COLEC10: variants seen among roughly 807,000 people sequenced by gnomAD.
COLEC10 encodes the protein collectin-10.
Under a neutral mutation model 28.4 loss-of-function variants are expected in COLEC10, and 22 were observed. The ratio of observed to expected loss-of-function variants is 0.78; its 90% confidence interval spans 0.55 to 1.11. COLEC10 has a LOEUF of 1.11. Among genes scored for constraint, COLEC10 ranks in the 50% least tolerant of loss-of-function variants. COLEC10 has a pLI of 0.00. For missense variants in COLEC10, 361 were observed against 344.1 expected, an observed-to-expected ratio of 1.05 and a Z score of -0.39; for synonymous variants, 125 against 116.1, an observed-to-expected ratio of 1.08 and a Z score of -0.49.
intron 1 of COLEC10, among the ~76,000 whole-genome samples, chr8:119,070,546 C>T (rs1815094619): frequency 1.4e-5 from 1 of 70,448 alleles, no homozygotes; most frequent in African/African-American, 7.2e-5. Context: ...CTCTCTCTCC[C>T]TCTCCCTCTC....
intron 2 of COLEC10, among the ~76,000 whole-genome samples, chr8:119,055,101 C>T (rs945856276): frequency 7.3e-5 from 11 of 150,828 alleles, no homozygotes; most frequent in African/African-American, 2.7e-4. Flanking sequence ...TATTTATCTC[C>T]ATAAAAGCAG....
chr8:118,964,775 C>T, the COLEC10 span, among the ~76,000 whole-genome samples: 1 of 152,276 alleles, frequency 6.6e-6, no homozygotes, highest in Middle Eastern at 3.4e-3. Context: ...GTACCCTGAA[C>T]TTCTAAGTAA....
intron 1 of COLEC10, among the ~76,000 whole-genome samples, chr8:119,070,795 A>T (rs1815106694): frequency 6.6e-6 from 1 of 152,104 alleles, no homozygotes; most frequent in Non-Finnish European, 1.5e-5. Context: ...TTTTAAACAA[A>T]ACATGTTAAA....
chr8:119,050,257 C>A (rs185278830), intron 2 of COLEC10, among the ~76,000 whole-genome samples: 1 of 152,026 alleles, frequency 6.6e-6, no homozygotes, highest in African/African-American at 2.4e-5. Flanking sequence ...CCATAGTAAC[C>A]AAACAGAAAA....
chr8:119,099,933 G>A (rs1815790821), intron 3 of COLEC10, among the ~76,000 whole-genome samples: 1 of 152,030 alleles, frequency 6.6e-6, no homozygotes, highest in East Asian at 1.9e-4. Flanking sequence ...CTTCTTTTAT[G>A]TCCATTTTAA....
chr8:119,054,898 GA>G (rs1407198321), intron 2 of COLEC10, among the ~76,000 whole-genome samples: 1 of 151,950 alleles, frequency 6.6e-6, no homozygotes, highest in Non-Finnish European at 1.5e-5. Context: ...TAGGAACATA[GA>G]AAATGAAGGC....
rs759458302 is a variant in COLEC10, at chr8:119,106,509, C to T, written c.*318C>T. ...CTTGGTATTTGCTCTACCATCTCTC[C>T]CTAGAGCACTCTGTGTCTATCCCAG... is the stretch of plus-strand genomic sequence containing the variant. On this transcript the variant is annotated 3_prime_UTR_variant, in exon 6 of 6. Coordinates refer to ENST00000332843, the MANE Select transcript of COLEC10 (RefSeq NM_006438.5). The T allele has an allele frequency of 2.6e-4, 63 of 245,440 alleles. No homozygotes were observed. Among genetic ancestry groups the T allele is most frequent in the Non-Finnish European group, 4.5e-4 (55 of 123,212 alleles). The allele number at this position is 245,440 out of a possible 1,614,324, so 15.2% of individuals were successfully genotyped here.
At chr8:119,069,626 AAAAATAT>A (rs1307100014) in intron 1 of COLEC10, among the ~76,000 whole-genome samples, 7 of 61,920 alleles carry the variant, frequency 1.1e-4, no homozygotes, top group African/African-American at 3.7e-4. Context: ...AAAAAAAAAA[AAAAATAT>A]ATATATATAT....
At chr8:119,095,274 C>T (rs555261252) in intron 3 of COLEC10, among the ~76,000 whole-genome samples, 140 of 152,220 alleles carry the variant, frequency 9.2e-4, no homozygotes, top group African/African-American at 3.3e-3. Flanking sequence ...ATAAACTACA[C>T]ATAATGGACA....
the COLEC10 span, among the ~76,000 whole-genome samples, chr8:118,977,752 TA>T: frequency 1.5e-5 from 2 of 130,240 alleles, no homozygotes; most frequent in African/African-American, 3.4e-5. Flanking sequence ...ATAATAATAA[TA>T]AATAAATAAA....
chr8:119,078,829 A>G (rs1815306983), intron 1 of COLEC10, among the ~76,000 whole-genome samples: 2 of 144,992 alleles, frequency 1.4e-5, no homozygotes, highest in South Asian at 4.9e-4. Flanking sequence ...TTTAACACCA[A>G]CCTAATAACT....
chr8:118,994,724 C>T (rs1251338678), upstream of COLEC10, among the ~76,000 whole-genome samples: 1 of 152,140 alleles, frequency 6.6e-6, no homozygotes, highest in Non-Finnish European at 1.5e-5. Flanking sequence ...TCAGAGTTAT[C>T]CATCTCTAGT....
chr8:119,106,878 C>A lies in COLEC10; in HGVS notation c.*687C>A, dbSNP rs887452440. On this transcript the variant is annotated 3_prime_UTR_variant, in exon 6 of 6. Coordinates refer to ENST00000332843, the MANE Select transcript of COLEC10 (RefSeq NM_006438.5). ...TATACCAAGTAGGTGCTTTGAACCC[C>A]TTTCTGTAGGCTCACACCTTAATCT... Among the ~76,000 whole-genome samples, 1 of 152,112 alleles carries A rather than the reference C, an allele frequency of 6.6e-6. No individual in the cohort carries two copies. Among genetic ancestry groups the A allele is most frequent in the African/African-American group, 2.4e-5 (1 of 41,420 alleles).
intron 2 of COLEC10, among the ~76,000 whole-genome samples, chr8:119,054,099 A>AC (rs1447383560): frequency 1.3e-5 from 2 of 152,100 alleles, no homozygotes; most frequent in Non-Finnish European, 2.9e-5. Flanking sequence ...CTCCAAGATG[A>AC]CTACTAAGTG....
At chr8:119,009,901 A>C (rs138757344) in intron 2 of COLEC10, among the ~76,000 whole-genome samples, 1,777 of 150,876 alleles carry the variant, frequency 0.012, 139 homozygotes, top group African/African-American at 0.04. Context: ...CAGCAAAATA[A>C]AGTGGAAAGT....
intron 1 of COLEC10, among the ~76,000 whole-genome samples, chr8:119,002,570 G>T (rs1257964708): frequency 6.6e-6 from 1 of 152,116 alleles, no homozygotes; most frequent in African/African-American, 2.4e-5. Flanking sequence ...ATTACTTAAT[G>T]AACTAGAATA....
At chr8:118,975,683 G>A in the COLEC10 span, among the ~76,000 whole-genome samples, 1 of 151,978 alleles carries the variant, frequency 6.6e-6, no homozygotes, top group Non-Finnish European at 1.5e-5. Context: ...TTAGAGGAGA[G>A]AGGTGATTTC....
chr8:118,990,509 C>A (rs1396656385), upstream of COLEC10, among the ~76,000 whole-genome samples: 1 of 152,022 alleles, frequency 6.6e-6, no homozygotes, highest in Admixed American at 6.6e-5. Flanking sequence ...ATGGGAGGAC[C>A]AAGTTAACAC....
intron 1 of COLEC10, among the ~76,000 whole-genome samples, chr8:119,002,267 A>C (rs1471734108): frequency 1.3e-5 from 2 of 152,156 alleles, no homozygotes; most frequent in Non-Finnish European, 2.9e-5. Context: ...AAATATTTAG[A>C]AAATAGTAGT....
Sources: allele counts gnomAD v4.1 joint callset (sites outside exome capture counted in the v4.1 genomes callset), GRCh38; gene constraint gnomAD v4.1.1; transcripts MANE v1.5; gene names NCBI Gene and HGNC (gene_info 2026-07-23, HGNC 2026-07-21).